The following PKD1 variants were observed in gnomAD, a reference collection of about 807,000 sequenced individuals.
PKD1 encodes polycystin 1, transient receptor potential channel interacting.
PKD1 carries 81 observed loss-of-function variants against 361.7 expected under a neutral mutation model. The observed-to-expected ratio is 0.22, with a 90% confidence interval of 0.19 to 0.27. The LOEUF (loss-of-function observed/expected upper bound fraction) is 0.27. Among genes scored for constraint, PKD1 ranks in the 10% least tolerant of loss-of-function variants. The pLI is 1.00. For missense variants in PKD1, 6,399 were observed against 6,118.3 expected (o/e 1.05, Z -1.53); for synonymous variants, 3,615 against 2,818.3 (o/e 1.28, Z -8.95).
chr16:2,109,585 G>A lies in PKD1; in HGVS notation c.5582C>T (p.Thr1861Ile), dbSNP rs148763212. The A allele has an allele frequency of 4.7e-5, 76 of 1,611,674 alleles. No homozygotes were observed. Among genetic ancestry groups the A allele is most frequent in the Non-Finnish European group, 5.1e-5 (60 of 1,179,526 alleles). The change falls in exon 15 of 46, where the codon ACC becomes ATC. Residue 1861 changes from threonine (T) to isoleucine (I), a missense_variant. Thr to Ile is a moderately conservative substitution (Grantham distance 89). Transcript: ENST00000262304. ...HVTMVFPDAGTFSIRLNASNA... is the reference protein window; with the variant it reads ...HVTMVFPDAGIFSIRLNASNA... ...GGAGGCATTGAGCCGGATGGAGAAG[G>A]TGCCAGCATCCGGGAAGACCATGGT...
chr16:2,116,743 C>A (rs2092644171), intron 7 of PKD1, 90 bp downstream of exon 7: 3 of 1,093,264 alleles, frequency 2.7e-6, no homozygotes, highest in African/African-American at 3.1e-5. Context: ...CCCACCAGCC[C>A]CTCCTCCTCA....
rs761153174 is a variant in PKD1 at position 2,106,212 on chromosome 16, A to G, written c.7582T>C (p.Tyr2528His). Residue 2528 changes from tyrosine to histidine, a missense_variant, in exon 19 of 46, where the codon TAC becomes CAC. Physicochemically the swap from Tyr to His is moderately conservative, Grantham distance 83. Coordinates refer to ENST00000262304, the MANE Select transcript of PKD1 (RefSeq NM_001009944.3). This position sits in a 1 kb window ranked among gnomAD's most constrained non-coding sequence, Gnocchi z 6.5. ...RQGHCEEFCV[Y>H]KGSLSSYGAV... ...CCGTAGCTGGAGAGGCTGCCCTTGTAGACACAGAACTCCTCGCAGTGGCCC... is the reference window on the plus strand; with the variant it reads ...CCGTAGCTGGAGAGGCTGCCCTTGTGGACACAGAACTCCTCGCAGTGGCCC... 1 of 1,610,160 alleles carries G rather than the reference A, an allele frequency of 6.2e-7. No homozygotes were observed. Among genetic ancestry groups the G allele is most frequent in the Admixed American group, 1.7e-5 (1 of 59,992 alleles).
Position 2,110,124 on chromosome 16 carries a change from T to G in PKD1, c.5043A>C (p.Lys1681Asn), listed in dbSNP as rs1316296965. 1 of 1,609,498 alleles carries G rather than the reference T, an allele frequency of 6.2e-7. No homozygotes were observed. The highest frequency in any genetic ancestry group is 2.2e-5 in the East Asian group (1 of 44,838). Residue 1681 changes from lysine to asparagine, a missense_variant, in exon 15 of 46, where the codon AAA (lysine) becomes AAC (asparagine). Transcript: ENST00000262304. The part of the protein sequence containing the change: ...DRGPALAGSG[K>N]GFSLTVLEAG... ...CCTCGAGCACGGTGAGCGAGAAGCC[T>G]TTGCCGCTGCCGGCCAGGGCCGGGC... is the stretch of plus-strand genomic sequence containing the variant.
At position 2,091,754 on chromosome 16, in the gene PKD1, G is replaced by C. The variant is rs751107765; in HGVS notation, c.11537+27C>G. The C allele has an allele frequency of 4.4e-6, 7 of 1,608,408 alleles. No individual in the cohort carries two copies. The African/African-American group carries it at 5.3e-5, about 12-fold the overall frequency. Reference sequence around the variant, plus strand: ...CCTGGCTGGTGACTGCGGCCACCCCGGAGAGGGCAGGGGAGGGAGCTCCCA... The same window carrying C: ...CCTGGCTGGTGACTGCGGCCACCCCCGAGAGGGCAGGGGAGGGAGCTCCCA... On this transcript the variant is annotated intron_variant, in intron 41 of 45. Coordinates refer to ENST00000262304, the MANE Select transcript of PKD1 (RefSeq NM_001009944.3).
At position 2,088,890 on chromosome 16, in the gene PKD1, C is replaced by A. The variant is rs1312722574; in HGVS notation, c.*837G>T. The A allele has an allele frequency of 4.4e-6, 2 of 454,034 alleles. No individual in the cohort carries two copies. Among genetic ancestry groups the A allele is most frequent in the African/African-American group, 2.4e-5 (1 of 41,648 alleles). 28.1% of individuals were successfully genotyped at this position (454,034 alleles called of 1,614,324 possible). On this transcript the variant is annotated 3_prime_UTR_variant, in exon 46 of 46. Coordinates refer to ENST00000262304, the MANE Select transcript of PKD1 (RefSeq NM_001009944.3). ...TCGCGCGTGCGCGCGCGCACACACA[C>A]ACACACACAGTCACCTTCCTCCACC...
chr16:2,127,560 G>A (rs1400462251), intron 1 of PKD1, among the ~76,000 whole-genome samples: 1 of 152,128 alleles, frequency 6.6e-6, no homozygotes, highest in Non-Finnish European at 1.5e-5. Context: ...TCTGCTCTGT[G>A]GCAGGGCAGG....
In PKD1 at chr16:2,102,843, G is replaced by C. The variant is rs751973288; in HGVS notation, c.8919C>G (p.His2973Gln). ...GGGAAATGAAGAAGGTGTAGGGCCG[G>C]TGGTCAGCACCCTGGAGTGACTCTG... ...IRPESLQGAD[H>Q]RPYTFFISPG... Residue 2973 changes from histidine to glutamine, a missense_variant, in exon 24 of 46, where the codon CAC becomes CAG. Physicochemically the swap from His to Gln is conservative, Grantham distance 24. Coordinates refer to ENST00000262304, the MANE Select transcript of PKD1 (RefSeq NM_001009944.3). 1.9e-6 allele frequency: 3 copies of C among 1,610,150 alleles called. No homozygotes were observed. Among genetic ancestry groups the C allele is most frequent in the Non-Finnish European group, 2.5e-6 (3 of 1,179,770 alleles).
intron 36 of PKD1, 26 bp from the exon 37 acceptor site, chr16:2,093,764 G>GA (rs1567158234): frequency 6.4e-7 from 1 of 1,564,914 alleles, no homozygotes; most frequent in African/African-American, 1.4e-5. Flanking sequence ...CTTCAGAGGG[G>GA]TCCCCCGTGA....
rs371376951 is a variant in PKD1, at chr16:2,108,233, G to T, written c.6915+19C>A. 7.6e-6 allele frequency: 12 copies of T among 1,586,104 alleles called. No homozygotes were observed. The highest frequency in any genetic ancestry group is 1.0e-5 in the Non-Finnish European group (12 of 1,161,310). On this transcript the variant is annotated intron_variant, in intron 15 of 45. Coordinates refer to ENST00000262304, the MANE Select transcript of PKD1 (RefSeq NM_001009944.3). ...TGGACGGGTGAGGGGCATGGAGGAC[G>T]GCCCTGCCACGCACTGACCTGTGTC... is the stretch of plus-strand genomic sequence containing the variant.
At chr16:2,116,272 C>T (rs980417630) in intron 8 of PKD1, 154 bp from the exon 9 acceptor site, 24 of 811,938 alleles carry the variant, frequency 3.0e-5, no homozygotes, top group Non-Finnish European at 4.3e-5. Context: ...AGGAAGACTC[C>T]GGTGGAAACT....
chr16:2,133,302 G>C (rs2151854363), intron 1 of PKD1: 1 of 148,288 alleles, frequency 6.7e-6, no homozygotes, highest in Middle Eastern at 3.4e-3. Flanking sequence ...AAGGCAGGCT[G>C]TGGCCTCAGA....
At chr16:2,121,803 G>A (rs1043726063) in intron 1 of PKD1, among the ~76,000 whole-genome samples, 1 of 152,184 alleles carries the variant, frequency 6.6e-6, no homozygotes, top group African/African-American at 2.4e-5. Context: ...GGACCCCGAG[G>A]CCTCACCTCC....
chr16:2,097,610 C>T (rs112325131), intron 32 of PKD1, 107 bp from the exon 33 acceptor site: 99 of 1,609,948 alleles, frequency 6.1e-5, no homozygotes, highest in Middle Eastern at 2.2e-4. Context: ...AACCTGCTCC[C>T]GGGTGGTGTG....
At chr16:2,101,579 T>C (rs1239266080) in intron 26 of PKD1, among the ~76,000 whole-genome samples, 12 of 152,080 alleles carry the variant, frequency 7.9e-5, no homozygotes, top group Non-Finnish European at 4.4e-5. Flanking sequence ...GATCATGCCA[T>C]TGCACTCCAG....
rs779086418 is a variant in PKD1, at chr16:2,109,271, C to G, written c.5896G>C (p.Val1966Leu). The change falls in exon 15 of 46, where the codon GTG becomes CTG. Residue 1966 changes from valine to leucine, a missense_variant. Coordinates refer to ENST00000262304, the MANE Select transcript of PKD1 (RefSeq NM_001009944.3). ...AGCCCACTCACGGCCTCCAGCACCACGATGCGCACCTGCGCCTGGGCCCAG... is the reference window on the plus strand; with the variant it reads ...AGCCCACTCACGGCCTCCAGCACCAGGATGCGCACCTGCGCCTGGGCCCAG... ...VSWAQAQVRI[V>L]VLEAVSGLQV... 5.1e-6 allele frequency: 8 copies of G among 1,583,612 alleles called. No homozygotes were observed. The highest frequency in any genetic ancestry group is 2.3e-5 in the East Asian group (1 of 44,436).
chr16:2,113,879 G>A (rs1026119456), intron 11 of PKD1: 6 of 517,570 alleles, frequency 1.2e-5, no homozygotes, highest in African/African-American at 3.8e-5. Context: ...AGCAGAGGGC[G>A]TGAGAGACTC....
chr16:2,112,649 T>A (rs2092545866), intron 13 of PKD1, 139 bp downstream of exon 13: 2 of 1,104,800 alleles, frequency 1.8e-6, no homozygotes, highest in Non-Finnish European at 2.6e-6. Context: ...TCAGGGCTCC[T>A]GTGCACCCAG....
chr16:2,097,373 C>T lies in PKD1; in HGVS notation c.10351G>A (p.Asp3451Asn), dbSNP rs146507511. 218 of 1,611,888 alleles carry T rather than the reference C, an allele frequency of 1.4e-4. No individual in the cohort carries two copies. The Middle Eastern group carries it at 2.3e-3, about 17-fold the overall frequency. ...QAGHGLGPEE[D>N]GFSLASPYSP... The stretch of plus-strand genomic sequence containing the variant: ...TAGGGGCTGGCCAGGGAGAAGCCGT[C>T]CTCCTCTGGGCCCAGCCCATGGCCC... Residue 3451 changes from aspartate to asparagine, a missense_variant, in exon 33 of 46, where the codon GAC (aspartate) becomes AAC (asparagine). Transcript: ENST00000262304.
In PKD1 at chr16:2,118,477, C is replaced by T; in HGVS notation, c.530-15G>A. ...ATACTCCTCACCTAGAAGAGGCAGC[C>T]ACTGGACCCCGGGTTCTGCTCCTCC... is the stretch of plus-strand genomic sequence containing the variant. On this transcript the variant is annotated splice_polypyrimidine_tract_variant and intron_variant, in intron 4 of 45. Coordinates refer to ENST00000262304, the MANE Select transcript of PKD1 (RefSeq NM_001009944.3). The surrounding 1 kb of genome is among the most constrained non-coding windows in gnomAD (Gnocchi z 6.0). The T allele has an allele frequency of 7.7e-7, 1 of 1,302,026 alleles. No homozygotes were observed. The highest frequency in any genetic ancestry group is 1.9e-5 in the Admixed American group (1 of 51,836). The allele number at this position is 1,302,026 out of a possible 1,614,324, so 80.7% of individuals were successfully genotyped here.
Sources: gnomAD v4.1 joint callset for allele counts (sites outside exome capture counted in the v4.1 genomes callset) on GRCh38, gnomAD v4.1.1 for gene constraint, Gnocchi (gnomAD v3.1) non-coding constraint, MANE v1.5 for transcripts, NCBI Gene and HGNC (gene_info 2026-07-23, HGNC 2026-07-21) for gene names.